UBE3C: variants seen among roughly 807,000 people sequenced by gnomAD.
The protein encoded by UBE3C is ubiquitin-protein ligase E3C.
UBE3C carries 42 observed loss-of-function variants against 129.4 expected under a neutral mutation model. That is an observed-to-expected ratio of 0.32 (90% CI 0.25 to 0.42). UBE3C has a LOEUF of 0.42. Among genes scored for constraint, UBE3C ranks in the 10% least tolerant of loss-of-function variants. UBE3C has a pLI of 1.00. For synonymous variants in UBE3C, 510 were observed against 492.4 expected, an observed-to-expected ratio of 1.04 and a Z score of -0.47; for missense variants, 1,049 against 1,319.1, an observed-to-expected ratio of 0.80 and a Z score of 3.17.
chr7:157,166,606 G>A (rs981376317), intron 2 of UBE3C, among the ~76,000 whole-genome samples: 10 of 151,944 alleles, frequency 6.6e-5, no homozygotes, highest in African/African-American at 2.2e-4. Context: ...CAGGCATGCT[G>A]GCGCATGCCT....
chr7:157,168,351 AG>A (rs1336146140), intron 2 of UBE3C, among the ~76,000 whole-genome samples: 2 of 145,360 alleles, frequency 1.4e-5, no homozygotes, highest in Non-Finnish European at 3.0e-5. Flanking sequence ...AAAAAAAAAA[AG>A]GTCCTACTAT....
chr7:157,267,415 C>G (rs188780164), intron 22 of UBE3C, among the ~76,000 whole-genome samples, 170 bp from the exon 23 acceptor site: 5 of 152,308 alleles, frequency 3.3e-5, no homozygotes, highest in African/African-American at 1.2e-4. Context: ...GAGCTAGACT[C>G]CATCTCAAAG....
chr7:157,236,384 C>T (rs1355011031), intron 18 of UBE3C, among the ~76,000 whole-genome samples: 1 of 151,800 alleles, frequency 6.6e-6, no homozygotes, highest in East Asian at 1.9e-4. Flanking sequence ...ATTGGGATGG[C>T]ATGCCTATAA....
chr7:157,199,073 G>A (rs1809205746), intron 10 of UBE3C, among the ~76,000 whole-genome samples: 1 of 152,174 alleles, frequency 6.6e-6, no homozygotes, highest in Admixed American at 6.5e-5. Context: ...CTACACACAA[G>A]GGTCTGGATG....
intron 10 of UBE3C, among the ~76,000 whole-genome samples, chr7:157,196,798 G>A (rs894994843): frequency 9.9e-5 from 15 of 152,020 alleles, no homozygotes; most frequent in African/African-American, 2.9e-4. Flanking sequence ...GAGAAACCCC[G>A]TCTCTACTAA....
Position 157,140,799 on chromosome 7 carries a change from C to G in UBE3C, c.66+1461C>G, listed in dbSNP as rs576370449. Among the ~76,000 whole-genome samples the G allele has an allele frequency of 9.2e-5, 14 of 152,294 alleles. No individual in the cohort carries two copies. The South Asian group carries it at 1.5e-3, about 16-fold the overall frequency. On this transcript the variant is annotated intron_variant, in intron 1 of 22. Coordinates refer to ENST00000348165, the MANE Select transcript of UBE3C (RefSeq NM_014671.3). ...GCTCTGAGGGAGTGAGATTTCTTAA[C>G]TGTTGATCAGAATCTCAAGGGAAGA...
chr7:157,169,755 C>T (rs1808315358), intron 3 of UBE3C, among the ~76,000 whole-genome samples: 1 of 152,154 alleles, frequency 6.6e-6, no homozygotes, highest in South Asian at 2.1e-4. Flanking sequence ...GATCTTGGCT[C>T]ACTGCAAGCT....
chr7:157,178,993 G>A, intron 6 of UBE3C, 146 bp downstream of exon 6: 1 of 938,942 alleles, frequency 1.1e-6, no homozygotes, highest in Non-Finnish European at 1.5e-6. Context: ...ATCCACAGGT[G>A]CCCACCAGAG....
chr7:157,213,042 G>T (rs1809641636), intron 13 of UBE3C, among the ~76,000 whole-genome samples: 1 of 152,180 alleles, frequency 6.6e-6, no homozygotes, highest in South Asian at 2.1e-4. Context: ...ACAGGTGTGA[G>T]CCACCACGCC....
intron 22 of UBE3C, among the ~76,000 whole-genome samples, chr7:157,258,578 G>T (rs527681533): frequency 1.3e-5 from 2 of 152,288 alleles, no homozygotes; most frequent in South Asian, 4.1e-4. Context: ...TCCTGCCTCA[G>T]CCTCCTGAAT....
At chr7:157,156,887 C>CA (rs949122235) in intron 1 of UBE3C, among the ~76,000 whole-genome samples, 1 of 151,944 alleles carries the variant, frequency 6.6e-6, no homozygotes, top group Admixed American at 6.6e-5. Flanking sequence ...TTTCAGCAGC[C>CA]AAAAAAATAA....
At chr7:157,258,575 T>C (rs1340050043) in intron 22 of UBE3C, among the ~76,000 whole-genome samples, 1 of 152,222 alleles carries the variant, frequency 6.6e-6, no homozygotes, top group Non-Finnish European at 1.5e-5. Flanking sequence ...TTCTCCTGCC[T>C]CAGCCTCCTG....
intron 18 of UBE3C, among the ~76,000 whole-genome samples, chr7:157,244,330 TTG>T (rs1239618218): frequency 1.3e-5 from 2 of 152,230 alleles, no homozygotes; most frequent in Non-Finnish European, 2.9e-5. Context: ...TGAAGGGACT[TTG>T]TTTTTCAATT....
intron 22 of UBE3C, among the ~76,000 whole-genome samples, chr7:157,265,622 A>G (rs1045423929): frequency 1.3e-5 from 2 of 152,238 alleles, no homozygotes; most frequent in East Asian, 1.9e-4. Flanking sequence ...TAGCCTCACC[A>G]TTAATAGGCA....
rs534143469 is a variant in UBE3C at position 157,192,292 on chromosome 7, T to A, written c.1331+5271T>A. 192 of 432,418 alleles carry A rather than the reference T, an allele frequency of 4.4e-4. 3 individuals are homozygous for A. Among genetic ancestry groups the A allele is most frequent in the South Asian group, 3.9e-3 (189 of 48,388 alleles). 26.8% of individuals were successfully genotyped at this position (432,418 alleles called of 1,614,324 possible). ...TCCCTACCACGTTTTTAAAGTTTTC[T>A]TTTAAGCTTGTTAAGAAATAGTAAG... On this transcript the variant is annotated intron_variant, in intron 10 of 22. Coordinates refer to ENST00000348165, the MANE Select transcript of UBE3C (RefSeq NM_014671.3).
chr7:157,257,136 A>G (rs1796772429), intron 22 of UBE3C, 92 bp downstream of exon 22: 5 of 1,518,120 alleles, frequency 3.3e-6, no homozygotes, highest in Middle Eastern at 1.8e-4. Context: ...GTCCTTTTAC[A>G]TACACTTTTG....
At chr7:157,251,628 A>G (rs1182751491) in intron 19 of UBE3C, among the ~76,000 whole-genome samples, 1 of 152,186 alleles carries the variant, frequency 6.6e-6, no homozygotes, top group East Asian at 1.9e-4. Context: ...CCAAGTGAAA[A>G]TAGACTTTCT....
chr7:157,184,801 G>T (rs1316770330), intron 9 of UBE3C, among the ~76,000 whole-genome samples: 1 of 152,136 alleles, frequency 6.6e-6, no homozygotes, highest in South Asian at 2.1e-4. Flanking sequence ...GAATGAAAGA[G>T]ATCACAGCAA....
chr7:157,143,303 T>G (rs1807510050), intron 1 of UBE3C, among the ~76,000 whole-genome samples: 1 of 152,218 alleles, frequency 6.6e-6, no homozygotes, highest in Admixed American at 6.5e-5. Flanking sequence ...CGGGGTCATC[T>G]GATTTCAAGT....
Sources: gnomAD v4.1 joint callset for allele counts (sites outside exome capture counted in the v4.1 genomes callset) on GRCh38, gnomAD v4.1.1 for gene constraint, MANE v1.5 for transcripts, NCBI Gene and HGNC (gene_info 2026-07-23, HGNC 2026-07-21) for gene names.